TADA3: variants seen among roughly 807,000 people sequenced by gnomAD.
TADA3 encodes the protein transcriptional adapter 3.
Under a neutral mutation model 43.2 loss-of-function variants are expected in TADA3, and 25 were observed. That is an observed-to-expected ratio of 0.58 (90% CI 0.42 to 0.81). The LOEUF (loss-of-function observed/expected upper bound fraction) is 0.81, where lower values mean the gene tolerates loss of function less well. Ranked by LOEUF, TADA3 falls within the 30% of genes least tolerant of loss-of-function variation. The pLI is 0.00. For synonymous variants in TADA3, 235 were observed against 225.5 expected, an observed-to-expected ratio of 1.04 and a Z score of -0.38; for missense variants, 441 against 567.8, an observed-to-expected ratio of 0.78 and a Z score of 2.27.
upstream of TADA3, chr3:9,792,668 G>C (rs159429): frequency 0.16 from 196,944 of 1,231,786 alleles, 16,506 homozygotes; most frequent in African/African-American, 0.25. Flanking sequence ...CGAGATCTCC[G>C]CGCTGCAGTT....
intron 2 of TADA3, 45 bp from the exon 3 acceptor site, chr3:9,790,008 C>A: frequency 2.0e-6 from 3 of 1,534,682 alleles, no homozygotes; most frequent in Non-Finnish European, 2.6e-6. Flanking sequence ...AGGGAAAACA[C>A]AGAATATCTC....
In TADA3 at chr3:9,792,328, T is replaced by A; in HGVS notation, c.-140A>T. 4.2e-6 allele frequency: 1 copy of A among 238,162 alleles called. No individual in the cohort carries two copies. Among genetic ancestry groups the A allele is most frequent in the Non-Finnish European group, 6.9e-6 (1 of 144,498 alleles). The allele number at this position is 238,162 out of a possible 1,614,324, so 14.8% of individuals were successfully genotyped here. A position where few individuals can be genotyped will look rare whatever the true frequency, so the allele number is the denominator to read the frequency against. On this transcript the variant is annotated 5_prime_UTR_variant, in exon 1 of 9. Transcript: ENST00000301964. ...TGGCCCCGCCCGGGGGTCGCCCAAATGTCCCGCCTTCAGAGTCCTCGTTCT... is the reference window on the plus strand; with the variant it reads ...TGGCCCCGCCCGGGGGTCGCCCAAAAGTCCCGCCTTCAGAGTCCTCGTTCT...
intron 8 of TADA3, among the ~76,000 whole-genome samples, chr3:9,781,098 C>A (rs2078449968): frequency 6.6e-6 from 1 of 151,992 alleles, no homozygotes; most frequent in African/African-American, 2.4e-5. Context: ...CCACTACACT[C>A]CAGTCTGGGC....
chr3:9,791,094 C>A (rs1399799377), intron 2 of TADA3, among the ~76,000 whole-genome samples, 166 bp downstream of exon 2: 1 of 152,194 alleles, frequency 6.6e-6, no homozygotes, highest in Non-Finnish European at 1.5e-5. Context: ...GAGGATCATG[C>A]ATATTCTTGT....
chr3:9,792,036 C>A (rs2078749170), intron 1 of TADA3, among the ~76,000 whole-genome samples, 180 bp downstream of exon 1: 1 of 152,218 alleles, frequency 6.6e-6, no homozygotes, highest in Non-Finnish European at 1.5e-5. Flanking sequence ...GGCTGGTAAG[C>A]CAGACAGACC....
chr3:9,791,857 CCTCGCCTTTCTGATG>C (rs1230533213), intron 1 of TADA3, among the ~76,000 whole-genome samples: 2 of 152,202 alleles, frequency 1.3e-5, no homozygotes, highest in Admixed American at 1.3e-4. Flanking sequence ...CTATGCCTTG[CCTCGCCTTTCTGATG>C]CTCTTTCCTT....
chr3:9,780,343 G>C lies in TADA3; in HGVS notation c.*14C>G. On this transcript the variant is annotated 3_prime_UTR_variant, in exon 9 of 9. Coordinates refer to ENST00000301964, the MANE Select transcript of TADA3 (RefSeq NM_006354.5). ...CCCCTAGGCCAGATAATCAGCCTGA[G>C]GCAGGGGTGAGGGCTACCCATCCAG... 1 of 1,605,226 alleles carries C rather than the reference G, an allele frequency of 6.2e-7. No homozygotes were observed. Among genetic ancestry groups the C allele is most frequent in the Non-Finnish European group, 8.5e-7 (1 of 1,175,564 alleles).
chr3:9,780,027 G>A lies in TADA3; in HGVS notation c.*330C>T. The A allele has an allele frequency of 4.2e-6, 1 of 236,552 alleles. No individual in the cohort carries two copies. Among genetic ancestry groups the A allele is most frequent in the Non-Finnish European group, 8.1e-6 (1 of 123,250 alleles). The allele number at this position is 236,552 out of a possible 1,614,324, so 14.7% of individuals were successfully genotyped here. A position where few individuals can be genotyped will look rare whatever the true frequency, so the allele number is the denominator to read the frequency against. ...AAGTTTGCACTTTACAAAACCACAA[G>A]GGAGAAGTCCTTGAAGGGGAGACAG... On this transcript the variant is annotated 3_prime_UTR_variant, in exon 9 of 9. Coordinates refer to ENST00000301964, the MANE Select transcript of TADA3 (RefSeq NM_006354.5).
rs2078427039 is a variant in TADA3 at position 9,780,213 on chromosome 3, C to T, written c.*144G>A. 1 of 818,036 alleles carries T rather than the reference C, an allele frequency of 1.2e-6. No individual in the cohort carries two copies. The highest frequency in any genetic ancestry group is 1.9e-6 in the Non-Finnish European group (1 of 533,714). The allele number at this position is 818,036 out of a possible 1,614,324, so 50.7% of individuals were successfully genotyped here. A position where few individuals can be genotyped will look rare whatever the true frequency, so the allele number is the denominator to read the frequency against. ...GGTTGTACAGAGCTAGGCCAAAAGA[C>T]CTCAGGGGAAGGGCCACGGCCCTCT... On this transcript the variant is annotated 3_prime_UTR_variant, in exon 9 of 9. Transcript: ENST00000301964.
chr3:9,780,394 T>G lies in TADA3; in HGVS notation c.1262A>C (p.Lys421Thr). 6 of 1,613,232 alleles carry G rather than the reference T, an allele frequency of 3.7e-6. No individual in the cohort carries two copies. Among genetic ancestry groups the G allele is most frequent in the Non-Finnish European group, 5.1e-6 (6 of 1,179,920 alleles). Residue 421 changes from lysine (K) to threonine (T), a missense_variant, in exon 9 of 9, where the codon AAG (lysine) becomes ACG (threonine). Physicochemically the swap from Lys to Thr is moderately conservative, Grantham distance 78. Coordinates refer to ENST00000301964, the MANE Select transcript of TADA3 (RefSeq NM_006354.5). Reference protein sequence around the residue: ...KEKDQAWKTLKERESILKLLD... With the variant: ...KEKDQAWKTLTERESILKLLD... ...CAGCTTCAGGATGCTCTCACGCTCC[T>G]TCAGAGTCTTCCAGGCCTGGTCCTT...
chr3:9,787,776 G>A, intron 4 of TADA3: 2 of 1,189,416 alleles, frequency 1.7e-6, no homozygotes, highest in Non-Finnish European at 2.2e-6. Context: ...AGAGATCAAA[G>A]TGTTGTGGCA....
At position 9,781,429 on chromosome 3, in the gene TADA3, TG is replaced by T. The variant is rs2078461280; in HGVS notation, c.1107-881del. ...CCGTGAGGAAAATGAGGCTCAAAGATGATCCCAGGATCCCACAGTTAGTGAG... is the reference window on the plus strand; with the variant it reads ...CCGTGAGGAAAATGAGGCTCAAAGATATCCCAGGATCCCACAGTTAGTGAG... On this transcript the variant is annotated intron_variant, in intron 8 of 8. Transcript: ENST00000301964. 6.9e-6 allele frequency: 3 copies of T among 436,422 alleles called. No individual in the cohort carries two copies. In the Admixed American group the frequency reaches 7.1e-5, roughly 10 times the overall value. The allele number at this position is 436,422 out of a possible 1,614,324, so 27.0% of individuals were successfully genotyped here. A position where few individuals can be genotyped will look rare whatever the true frequency, so the allele number is the denominator to read the frequency against.
chr3:9,786,230 C>T (rs2078606947), intron 6 of TADA3, among the ~76,000 whole-genome samples: 2 of 152,148 alleles, frequency 1.3e-5, no homozygotes, highest in Admixed American at 6.5e-5. Context: ...TGAGCCACCG[C>T]GCCCGGCCTC....
intron 7 of TADA3, among the ~76,000 whole-genome samples, chr3:9,784,962 T>C (rs561316054): frequency 6.6e-6 from 1 of 152,218 alleles, no homozygotes; most frequent in Non-Finnish European, 1.5e-5. Context: ...TCTCCACTTG[T>C]CACTCTATAA....
rs1048684 is a variant in TADA3 at position 9,780,391 on chromosome 3, T to C, written c.1265A>G (p.Glu422Gly). Residue 422 changes from glutamate to glycine, a missense_variant, in exon 9 of 9, where the codon GAG (glutamate) becomes GGG (glycine). Coordinates refer to ENST00000301964, the MANE Select transcript of TADA3 (RefSeq NM_006354.5). ...EKDQAWKTLK[E>G]RESILKLLDG ...CAGCAGCTTCAGGATGCTCTCACGC[T>C]CCTTCAGAGTCTTCCAGGCCTGGTC... The C allele has an allele frequency of 6.2e-7, 1 of 1,612,538 alleles. No homozygotes were observed. The highest frequency in any genetic ancestry group is 8.5e-7 in the Non-Finnish European group (1 of 1,179,804).
intron 7 of TADA3, among the ~76,000 whole-genome samples, chr3:9,784,478 T>C (rs552503472): frequency 1.3e-5 from 2 of 152,268 alleles, no homozygotes; most frequent in Non-Finnish European, 2.9e-5. Context: ...TGTTATATAT[T>C]ATTATATATA....
rs751465549 is a variant in TADA3, at chr3:9,785,399, A to T, written c.837T>A (p.Asp279Glu). The T allele has an allele frequency of 2.5e-6, 4 of 1,613,840 alleles. No individual in the cohort carries two copies. The change falls in exon 7 of 9, where the codon GAT (aspartate) becomes GAA (glutamate). Residue 279 changes from aspartate (D) to glutamate (E), a missense_variant. By Grantham distance (45) the Asp-to-Glu change is conservative. Transcript: ENST00000301964. ...TCCCAGACATGTCAGGAATAGGAGA[A>T]TCCTCCATAGGGGAAATAATATTTT... ...VEENIISPMEDSPIPDMSGKE... is the reference protein window; with the variant it reads ...VEENIISPMEESPIPDMSGKE...
At chr3:9,788,015 C>T (rs1006033818) in intron 4 of TADA3, 4 of 287,810 alleles carry the variant, frequency 1.4e-5, no homozygotes, top group East Asian at 1.8e-4. Context: ...GGGATATGGC[C>T]GAGGAAAATG....
rs1032387258 is a variant in TADA3 at position 9,792,370 on chromosome 3, G to A, written c.-182C>T. 164 of 521,360 alleles carry A rather than the reference G, an allele frequency of 3.1e-4. No individual in the cohort carries two copies. Among genetic ancestry groups the A allele is most frequent in the Admixed American group, 9.0e-4 (15 of 16,584 alleles). 32.3% of individuals were successfully genotyped at this position (521,360 alleles called of 1,614,324 possible). ...CCTCGTTCTCTAGGGACACCCTAGT[G>A]CGACCCCCGCCCCCTCTACCTCCTC... On this transcript the variant is annotated 5_prime_UTR_variant, in exon 1 of 9. Coordinates refer to ENST00000301964, the MANE Select transcript of TADA3 (RefSeq NM_006354.5).
Sources: allele counts gnomAD v4.1 joint callset (sites outside exome capture counted in the v4.1 genomes callset), GRCh38; gene constraint gnomAD v4.1.1; transcripts MANE v1.5; gene names NCBI Gene and HGNC (gene_info 2026-07-23, HGNC 2026-07-21).